Variants in DLGAP2 observed in about 807,000 individuals in gnomAD.
DLGAP2 encodes the protein DLG associated protein 2.
A neutral mutation model predicts 100.3 loss-of-function variants in DLGAP2; 26 were observed. The ratio of observed to expected loss-of-function variants is 0.26; its 90% CI spans 0.19 to 0.36. The LOEUF is 0.36. DLGAP2 is among the 10% of genes least tolerant of loss of function. DLGAP2 has a pLI of 1.00. For synonymous variants in DLGAP2, 886 were observed against 630.1 expected (o/e 1.41, Z -6.08); for missense variants, 1,858 against 1,453.2 (o/e 1.28, Z -4.53).
chr8:919,849 A>T (rs1445569228), intron 2 of DLGAP2, among the ~76,000 whole-genome samples: 1 of 152,122 alleles, frequency 6.6e-6, no homozygotes, highest in Non-Finnish European at 1.5e-5. Flanking sequence ...CACTACTGAA[A>T]TCTTTCCCTT....
At chr8:917,330 T>C (rs1798616112) in intron 2 of DLGAP2, among the ~76,000 whole-genome samples, 1 of 149,154 alleles carries the variant, frequency 6.7e-6, no homozygotes, top group South Asian at 2.2e-4. Context: ...CCTCCACTTC[T>C]CAGGCACAAA....
intron 3 of DLGAP2, among the ~76,000 whole-genome samples, chr8:1,323,467 C>G (rs1284271018): frequency 6.6e-6 from 1 of 152,214 alleles, no homozygotes; most frequent in Non-Finnish European, 1.5e-5. Context: ...CAAGGGAGCT[C>G]TTCCTCCCAC....
At chr8:1,272,947 G>C (rs529492257) in intron 3 of DLGAP2, among the ~76,000 whole-genome samples, 4 of 152,154 alleles carry the variant, frequency 2.6e-5, no homozygotes, top group Admixed American at 2.0e-4. Flanking sequence ...CTTCTGTGCC[G>C]TGGGTTATGG....
At chr8:1,561,344 C>T (rs1439995345) in intron 5 of DLGAP2, among the ~76,000 whole-genome samples, 2 of 152,164 alleles carry the variant, frequency 1.3e-5, no homozygotes, top group African/African-American at 2.4e-5. Context: ...CTGTATTCCT[C>T]TTTGAACACG....
chr8:1,558,124 C>T (rs990002984), intron 5 of DLGAP2, among the ~76,000 whole-genome samples: 1 of 152,198 alleles, frequency 6.6e-6, no homozygotes, highest in Non-Finnish European at 1.5e-5. Flanking sequence ...ATCCTGGGGG[C>T]TCCCATGTGG....
rs543592179 is a variant in DLGAP2, at chr8:1,207,430, T to C, written c.74-51421T>C. Among the ~76,000 whole-genome samples the C allele has an allele frequency of 6.6e-5, 10 of 152,308 alleles. No individual in the cohort carries two copies. In the East Asian group the frequency reaches 1.5e-3, roughly 23 times the overall value. The stretch of plus-strand genomic sequence containing the variant: ...TATTTTGTTCCTTTTTTTGGCTGAG[T>C]AGTATTCCATGGTATATATATACCA... On this transcript the variant is annotated intron_variant, in intron 2 of 14. Coordinates refer to ENST00000637795, the MANE Select transcript of DLGAP2 (RefSeq NM_001346810.2).
intron 2 of DLGAP2, among the ~76,000 whole-genome samples, chr8:999,239 T>G (rs1202734444): frequency 6.6e-6 from 1 of 151,800 alleles, no homozygotes; most frequent in Non-Finnish European, 1.5e-5. Context: ...TTTTGTCTCC[T>G]GCTTGTTTTC....
intron 3 of DLGAP2, among the ~76,000 whole-genome samples, chr8:1,445,308 C>G (rs1019934441): frequency 1.7e-4 from 24 of 138,116 alleles, no homozygotes; most frequent in African/African-American, 6.5e-4. Context: ...CTAATTTGTT[C>G]AATTCCCACC....
At chr8:1,417,725 A>ACGGG (rs1796967191) in intron 3 of DLGAP2, among the ~76,000 whole-genome samples, 2 of 144,304 alleles carry the variant, frequency 1.4e-5, no homozygotes, top group African/African-American at 5.6e-5. Flanking sequence ...GCGAGGCTCC[A>ACGGG]GACACAGAAG....
At chr8:1,628,839 T>G (rs1318191949) in intron 7 of DLGAP2, among the ~76,000 whole-genome samples, 2 of 151,908 alleles carry the variant, frequency 1.3e-5, no homozygotes, top group African/African-American at 4.8e-5. Context: ...TACTGTGGAG[T>G]AGGGATTATT....
intron 6 of DLGAP2, among the ~76,000 whole-genome samples, chr8:1,613,811 C>T (rs966862302): frequency 1.3e-5 from 2 of 152,186 alleles, no homozygotes; most frequent in African/African-American, 4.8e-5. Context: ...GTTCAGTTCA[C>T]TCACACTGGC....
At chr8:1,125,842 T>A (rs1217661199) in intron 2 of DLGAP2, among the ~76,000 whole-genome samples, 2 of 152,160 alleles carry the variant, frequency 1.3e-5, no homozygotes, top group Non-Finnish European at 2.9e-5. Flanking sequence ...TTAGTGGGGC[T>A]GAGGTGGTGG....
chr8:1,316,692 C>T (rs139386942), intron 3 of DLGAP2, among the ~76,000 whole-genome samples: 18,148 of 122,604 alleles, frequency 0.15, 1,925 homozygotes, highest in East Asian at 0.22. Context: ...ATACAGCGTG[C>T]GTGAGTGCAG....
At chr8:1,572,588 G>C (rs1178748369) in intron 6 of DLGAP2, among the ~76,000 whole-genome samples, 1 of 127,708 alleles carries the variant, frequency 7.8e-6, no homozygotes, top group East Asian at 2.8e-4. Flanking sequence ...GGGGGCGTCT[G>C]CTGGTATGGA....
chr8:1,594,419 A>G, intron 6 of DLGAP2, among the ~76,000 whole-genome samples: 1 of 152,148 alleles, frequency 6.6e-6, no homozygotes, highest in East Asian at 1.9e-4. Flanking sequence ...CCAAACAGAA[A>G]TTATGGAGCT....
chr8:762,724 C>T (rs571971195), intron 1 of DLGAP2, among the ~76,000 whole-genome samples: 3 of 151,848 alleles, frequency 2.0e-5, no homozygotes, highest in South Asian at 2.1e-4. Context: ...GGCTGGAGTG[C>T]GGTGGCACAG....
At chr8:1,051,806 C>T (rs1355161914) in intron 2 of DLGAP2, among the ~76,000 whole-genome samples, 1 of 152,108 alleles carries the variant, frequency 6.6e-6, no homozygotes, top group African/African-American at 2.4e-5. Flanking sequence ...GAGTCTCCTG[C>T]CTGGGCCCCT....
intron 1 of DLGAP2, among the ~76,000 whole-genome samples, chr8:837,787 G>C (rs1297323848): frequency 6.6e-6 from 1 of 150,530 alleles, no homozygotes; most frequent in African/African-American, 2.4e-5. Context: ...TGCGATCTCA[G>C]CTCACTGCAA....
chr8:1,576,038 G>A (rs1401339741), intron 6 of DLGAP2, among the ~76,000 whole-genome samples: 7 of 152,212 alleles, frequency 4.6e-5, no homozygotes, highest in Middle Eastern at 3.4e-3. Context: ...TTGAGGAATC[G>A]CCACACTGTC....
Sources: gnomAD v4.1 joint callset for allele counts (sites outside exome capture counted in the v4.1 genomes callset) on GRCh38, gnomAD v4.1.1 for gene constraint, MANE v1.5 for transcripts, NCBI Gene and HGNC (gene_info 2026-07-23, HGNC 2026-07-21) for gene names.